The following ARHGAP24 variants were observed in gnomAD, a reference collection of about 807,000 sequenced individuals.
ARHGAP24 encodes the protein Rho GTPase activating protein 24.
ARHGAP24 carries 50 observed loss-of-function variants against 76.4 expected under a neutral mutation model. The ratio of observed to expected loss-of-function variants is 0.65; its 90% CI spans 0.52 to 0.83. The LOEUF is 0.83. ARHGAP24 is among the 40% of genes least tolerant of loss of function. The pLI, the probability that ARHGAP24 is intolerant of heterozygous loss-of-function variation, is 0.00. For synonymous variants in ARHGAP24, 345 were observed against 323.3 expected, an observed-to-expected ratio of 1.07 and a Z score of -0.72; for missense variants, 930 against 914.2, an observed-to-expected ratio of 1.02 and a Z score of -0.22.
At position 85,683,230 on chromosome 4, in the gene ARHGAP24, ATGGTAGGGAAAGGGAATGTAT is replaced by A. The variant is rs1402665194; in HGVS notation, c.181-38653_181-38633del. Among the ~76,000 whole-genome samples the A allele has an allele frequency of 6.9e-4, 105 of 151,972 alleles. 1 individual carries two copies. Among genetic ancestry groups the A allele is most frequent in the African/African-American group, 2.5e-3 (102 of 41,522 alleles). On this transcript the variant is annotated intron_variant, in intron 2 of 9. Transcript: ENST00000395184. ...TGAAACATGGGGTTTGTTGAGGAGC[ATGGTAGGGAAAGGGAATGTAT>A]TATTTCCATTATCAACCTTTCCATC...
chr4:85,855,160 G>A (rs1731482105), intron 3 of ARHGAP24, among the ~76,000 whole-genome samples: 1 of 152,170 alleles, frequency 6.6e-6, no homozygotes, highest in African/African-American at 2.4e-5. Context: ...ATAACCCTGT[G>A]AGTTGGTATT....
At chr4:85,615,940 G>T (rs975216822) in intron 2 of ARHGAP24, among the ~76,000 whole-genome samples, 1 of 152,112 alleles carries the variant, frequency 6.6e-6, no homozygotes, top group South Asian at 2.1e-4. Flanking sequence ...TTAGTATTGT[G>T]TCTATTCTAA....
intron 2 of ARHGAP24, among the ~76,000 whole-genome samples, chr4:85,590,846 A>C (rs1229039727): frequency 1.3e-5 from 2 of 152,108 alleles, no homozygotes; most frequent in Non-Finnish European, 2.9e-5. Flanking sequence ...AATTTAACAT[A>C]AGGATCTTCA....
chr4:85,655,796 GAGAGAGAGAGAGAGAGAGAGAA>G lies in ARHGAP24; in HGVS notation c.181-66067_181-66046del, dbSNP rs1195593673. 1.8e-3 allele frequency among the ~76,000 whole-genome samples: 81 copies of G among 44,686 alleles called. 2 individuals are homozygous for G. Among genetic ancestry groups the G allele is most frequent in the African/African-American group, 6.8e-3 (66 of 9,700 alleles). 29.3% of individuals were successfully genotyped at this position (44,686 alleles called of 152,430 possible). On this transcript the variant is annotated intron_variant, in intron 2 of 9. Coordinates refer to ENST00000395184, the MANE Select transcript of ARHGAP24 (RefSeq NM_001025616.3). ...ATATATATATATATATATATATAGA[GAGAGAGAGAGAGAGAGAGAGAA>G]AGAGAGAGAGAGAGAGAGAGAGAGA...
intron 2 of ARHGAP24, among the ~76,000 whole-genome samples, chr4:85,576,671 T>C (rs933498265): frequency 6.6e-6 from 1 of 152,198 alleles, no homozygotes; most frequent in Non-Finnish European, 1.5e-5. Context: ...TGGTACTGTG[T>C]GTCATCATAA....
At chr4:85,840,752 A>C (rs1249106608) in intron 3 of ARHGAP24, among the ~76,000 whole-genome samples, 1 of 152,222 alleles carries the variant, frequency 6.6e-6, no homozygotes, top group Non-Finnish European at 1.5e-5. Context: ...GTATTGTGAC[A>C]CAGCTTGTTG....
At chr4:85,907,838 A>G (rs1310380309) in intron 3 of ARHGAP24, among the ~76,000 whole-genome samples, 2 of 151,946 alleles carry the variant, frequency 1.3e-5, no homozygotes, top group African/African-American at 2.4e-5. Flanking sequence ...CCTTGCTGCT[A>G]CTCTTCCTGT....
chr4:85,655,792 T>TAGAGAGAGAGAG (rs1248907720), intron 2 of ARHGAP24, among the ~76,000 whole-genome samples: 2 of 37,700 alleles, frequency 5.3e-5, no homozygotes, highest in South Asian at 1.1e-3. Context: ...TATATATATA[T>TAGAGAGAGAGAG]AGAGAGAGAG....
chr4:85,927,298 C>T (rs1232838841), intron 4 of ARHGAP24, among the ~76,000 whole-genome samples: 1 of 151,912 alleles, frequency 6.6e-6, no homozygotes, highest in East Asian at 1.9e-4. Context: ...TGTACAGAGA[C>T]AGAAAATAGA....
chr4:85,485,065 C>T (rs1722966687), intron 1 of ARHGAP24, among the ~76,000 whole-genome samples: 1 of 151,530 alleles, frequency 6.6e-6, no homozygotes, highest in South Asian at 2.1e-4. Context: ...TGACCTGGGG[C>T]CAGGCGCACT....
At chr4:85,524,053 G>A (rs1349728006) in intron 1 of ARHGAP24, among the ~76,000 whole-genome samples, 1 of 152,082 alleles carries the variant, frequency 6.6e-6, no homozygotes, top group Non-Finnish European at 1.5e-5. Context: ...TGCATATCTA[G>A]GTAGTGTTTG....
In ARHGAP24 at chr4:85,570,568, G is replaced by A. The variant is rs932633205; in HGVS notation, c.27G>A (p.Glu9=). 2.5e-6 allele frequency: 4 copies of A among 1,613,988 alleles called. No homozygotes were observed. Among genetic ancestry groups the A allele is most frequent in the Non-Finnish European group, 2.5e-6 (3 of 1,180,010 alleles). The change falls in exon 2 of 10, where the codon GAG becomes GAA. Residue 9 remains glutamate (E), a synonymous_variant. Transcript: ENST00000395184. The part of the protein sequence containing the change: MEENNDST[E]NPQQGQGRQN... ...TGGAGGAGAACAATGACTCCACGGAGAACCCCCAACAAGGCCAAGGGCGGC... is the reference window on the plus strand; with the variant it reads ...TGGAGGAGAACAATGACTCCACGGAAAACCCCCAACAAGGCCAAGGGCGGC...
chr4:85,752,076 A>G (rs1313424840), intron 3 of ARHGAP24, among the ~76,000 whole-genome samples: 1 of 152,134 alleles, frequency 6.6e-6, no homozygotes, highest in Non-Finnish European at 1.5e-5. Context: ...CCACATAGCC[A>G]TACAAGCATT....
intron 4 of ARHGAP24, among the ~76,000 whole-genome samples, chr4:85,936,340 T>G (rs1736633294): frequency 1.3e-5 from 2 of 152,186 alleles, no homozygotes; most frequent in Admixed American, 6.5e-5. Context: ...ATGCATGCAT[T>G]TATTCCATAA....
chr4:85,646,624 A>G lies in ARHGAP24; in HGVS notation c.181-75261A>G, dbSNP rs370600154. ...CATAGACCCTCATTGAATAAATTAT[A>G]TCCAATTAACTATATTTATTTAACA... On this transcript the variant is annotated intron_variant, in intron 2 of 9. Transcript: ENST00000395184. 5.9e-5 allele frequency among the ~76,000 whole-genome samples: 9 copies of G among 152,112 alleles called. No individual in the cohort carries two copies. In the East Asian group the frequency reaches 7.7e-4, roughly 13 times the overall value.
At chr4:85,487,776 T>A (rs1293576315) in intron 1 of ARHGAP24, among the ~76,000 whole-genome samples, 50 of 108,016 alleles carry the variant, frequency 4.6e-4, no homozygotes, top group Non-Finnish European at 8.1e-4. Context: ...TAATATATAT[T>A]TATTATATAT....
At chr4:85,559,046 T>C (rs1375440979) in intron 1 of ARHGAP24, among the ~76,000 whole-genome samples, 2 of 152,192 alleles carry the variant, frequency 1.3e-5, no homozygotes, top group Non-Finnish European at 2.9e-5. Context: ...GGGAAAGTGC[T>C]GGAGGGGCTC....
At chr4:85,600,964 A>G (rs975875963) in intron 2 of ARHGAP24, among the ~76,000 whole-genome samples, 1 of 152,196 alleles carries the variant, frequency 6.6e-6, no homozygotes, top group East Asian at 1.9e-4. Context: ...AGTGATGGCT[A>G]AAAAGGATGA....
At chr4:85,532,442 C>T (rs892068232) in intron 1 of ARHGAP24, among the ~76,000 whole-genome samples, 4 of 152,074 alleles carry the variant, frequency 2.6e-5, no homozygotes, top group African/African-American at 9.7e-5. Context: ...TATTTTTAAT[C>T]TCTACAATTA....
Sources: gnomAD v4.1 joint callset for allele counts (sites outside exome capture counted in the v4.1 genomes callset) on GRCh38, gnomAD v4.1.1 for gene constraint, MANE v1.5 for transcripts, NCBI Gene and HGNC (gene_info 2026-07-23, HGNC 2026-07-21) for gene names.